Variants in STX8 observed in about 807,000 individuals in gnomAD.
STX8 encodes the protein syntaxin 8.
STX8 carries 23 observed loss-of-function variants against 37.5 expected under a neutral mutation model. That is an observed-to-expected ratio of 0.61 (90% CI 0.44 to 0.87). The LOEUF (loss-of-function observed/expected upper bound fraction) is 0.87. Ranked by LOEUF, STX8 falls within the 40% of genes least tolerant of loss-of-function variation. STX8 has a pLI of 0.00. For missense variants in STX8, 313 were observed against 284.7 expected (o/e 1.10, Z -0.71); for synonymous variants, 115 against 99.1 (o/e 1.16, Z -0.95).
intron 5 of STX8, among the ~76,000 whole-genome samples, chr17:9,500,811 G>A (rs979844771): frequency 6.6e-6 from 1 of 152,094 alleles, no homozygotes; most frequent in Non-Finnish European, 1.5e-5. Context: ...GACCATCCTG[G>A]CTAACATGGT....
intron 3 of STX8, chr17:9,556,774 T>TATATATATACATAC (rs1906989642): frequency 4.6e-5 from 4 of 86,704 alleles, no homozygotes; most frequent in Non-Finnish European, 9.3e-5. Context: ...TATATATATA[T>TATATATATACATAC]ATATATATAT....
At chr17:9,371,931 T>C (rs1377079731) in intron 7 of STX8, among the ~76,000 whole-genome samples, 1 of 152,220 alleles carries the variant, frequency 6.6e-6, no homozygotes, top group Non-Finnish European at 1.5e-5. Flanking sequence ...TTGCTGGTCC[T>C]CACTCATGCT....
At chr17:9,489,338 G>A (rs1375545390) in intron 6 of STX8, among the ~76,000 whole-genome samples, 1 of 152,192 alleles carries the variant, frequency 6.6e-6, no homozygotes, top group East Asian at 1.9e-4. Flanking sequence ...GGCTCTTGGA[G>A]TTTTAAAAGC....
chr17:9,394,489 C>T (rs929091683), intron 6 of STX8, among the ~76,000 whole-genome samples: 4 of 151,338 alleles, frequency 2.6e-5, no homozygotes, highest in Admixed American at 6.6e-5. Flanking sequence ...GTGATTCTCC[C>T]GAGTAGCTGG....
Position 9,492,028 on chromosome 17 carries a change from A to C in STX8, c.449-107T>G, listed in dbSNP as rs1906873411. 5 of 698,648 alleles carry C rather than the reference A, an allele frequency of 7.2e-6. No homozygotes were observed. In the South Asian group the frequency reaches 1.4e-4, roughly 20 times the overall value. The allele number at this position is 698,648 out of a possible 1,614,324, so 43.3% of individuals were successfully genotyped here. A position where few individuals can be genotyped will look rare whatever the true frequency, so the allele number is the denominator to read the frequency against. ...CAAGTTGACATATAAATCAGTCAGG[A>C]AAAAAAAGAGAAAAGAGTTAACATT... On this transcript the variant is annotated intron_variant, in intron 5 of 7. Coordinates refer to ENST00000306357, the MANE Select transcript of STX8 (RefSeq NM_004853.3).
At chr17:9,332,549 C>G (rs1258259628) in intron 7 of STX8, among the ~76,000 whole-genome samples, 1 of 152,154 alleles carries the variant, frequency 6.6e-6, no homozygotes, top group South Asian at 2.1e-4. Flanking sequence ...TATAATTCAT[C>G]CAAATGGAGC....
chr17:9,313,281 C>T (rs973852870), intron 7 of STX8, among the ~76,000 whole-genome samples: 1 of 152,100 alleles, frequency 6.6e-6, no homozygotes, highest in Non-Finnish European at 1.5e-5. Flanking sequence ...AAAGTCAAAA[C>T]GTATCAGTGA....
intron 7 of STX8, among the ~76,000 whole-genome samples, chr17:9,363,004 C>T (rs1911117365): frequency 6.6e-6 from 1 of 152,010 alleles, no homozygotes; most frequent in African/African-American, 2.4e-5. Context: ...ATGCGGCCAC[C>T]CTGTATGATA....
intron 5 of STX8, among the ~76,000 whole-genome samples, chr17:9,497,607 C>T (rs113360189): frequency 7.4e-6 from 1 of 135,098 alleles, no homozygotes; most frequent in Non-Finnish European, 1.6e-5. Flanking sequence ...TCTACTATTA[C>T]ACGTTTGAAA....
intron 6 of STX8, among the ~76,000 whole-genome samples, chr17:9,491,305 C>A (rs1390826804): frequency 2.3e-5 from 2 of 88,022 alleles, no homozygotes; most frequent in African/African-American, 1.8e-4. Context: ...CTCCTCAAGC[C>A]AAGAGCCTTG....
chr17:9,504,968 C>T (rs1318937871), intron 5 of STX8, 70 bp downstream of exon 5: 24 of 92,554 alleles, frequency 2.6e-4, no homozygotes, highest in Non-Finnish European at 3.3e-4. Context: ...AGCAAGACTC[C>T]GTCTCAAAAA....
intron 7 of STX8, among the ~76,000 whole-genome samples, chr17:9,314,951 C>T (rs1242418202): frequency 3.3e-5 from 5 of 150,852 alleles, no homozygotes; most frequent in Non-Finnish European, 7.4e-5. Context: ...AAAATACGAA[C>T]ATTAGCCAGT....
At chr17:9,525,057 C>G (rs916628494) in intron 4 of STX8, among the ~76,000 whole-genome samples, 3 of 152,116 alleles carry the variant, frequency 2.0e-5, no homozygotes, top group African/African-American at 7.2e-5. Context: ...GATCCACCCA[C>G]CTTGACCTCC....
rs558690023 is a variant in STX8 at position 9,429,660 on chromosome 17, G to A, written c.542-51007C>T. ...GGAGCTTGCAGTGAGCTGAGATCGC[G>A]TCACTGCACTCCAGCCTGGGCGACA... is the stretch of plus-strand genomic sequence containing the variant. On this transcript the variant is annotated intron_variant, in intron 6 of 7. Transcript: ENST00000306357. Among the ~76,000 whole-genome samples, 33 of 124,096 alleles carry A rather than the reference G, an allele frequency of 2.7e-4. No individual in the cohort carries two copies. The East Asian group carries it at 3.7e-3, about 14-fold the overall frequency. The allele number at this position is 124,096 out of a possible 152,430, so 81.4% of individuals were successfully genotyped here. A position where few individuals can be genotyped will look rare whatever the true frequency, so the allele number is the denominator to read the frequency against.
At chr17:9,336,354 A>ATTTCTTTCC (rs940075755) in intron 7 of STX8, among the ~76,000 whole-genome samples, 2 of 151,732 alleles carry the variant, frequency 1.3e-5, no homozygotes, top group Non-Finnish European at 2.9e-5. Flanking sequence ...AATACTTTAG[A>ATTTCTTTCC]TTTCTTTCCT....
At chr17:9,505,662 C>A (rs191027650) in intron 4 of STX8, among the ~76,000 whole-genome samples, 25 of 152,196 alleles carry the variant, frequency 1.6e-4, no homozygotes, top group African/African-American at 5.8e-4. Flanking sequence ...TATTTGGAGC[C>A]GGGCGCAGTG....
chr17:9,460,681 A>AAC (rs1264253688), intron 6 of STX8, among the ~76,000 whole-genome samples: 4 of 148,516 alleles, frequency 2.7e-5, no homozygotes, highest in South Asian at 2.1e-4. Context: ...CTCAAAAAAA[A>AAC]AAAAAAACAA....
intron 6 of STX8, among the ~76,000 whole-genome samples, chr17:9,459,332 G>A (rs1226981079): frequency 1.3e-5 from 2 of 152,208 alleles, no homozygotes; most frequent in Non-Finnish European, 2.9e-5. Flanking sequence ...TTCTGAGGAG[G>A]AGGAGGTGCT....
chr17:9,436,451 G>A (rs1348227999), intron 6 of STX8, among the ~76,000 whole-genome samples: 1 of 152,066 alleles, frequency 6.6e-6, no homozygotes, highest in African/African-American at 2.4e-5. Context: ...CACGTAGAAT[G>A]GGGAAAGTAC....
Sources: gnomAD v4.1 joint callset for allele counts (sites outside exome capture counted in the v4.1 genomes callset) on GRCh38, gnomAD v4.1.1 for gene constraint, MANE v1.5 for transcripts, NCBI Gene and HGNC (gene_info 2026-07-23, HGNC 2026-07-21) for gene names.